The following USP3 variants were observed in gnomAD, a reference collection of about 807,000 sequenced individuals.
USP3 encodes ubiquitin carboxyl-terminal hydrolase 3.
USP3 carries 20 observed loss-of-function variants against 72.3 expected under a neutral mutation model. The observed-to-expected ratio is 0.28, with a 90% CI of 0.19 to 0.40. USP3 has a LOEUF of 0.40. Among genes scored for constraint, USP3 ranks in the 10% least tolerant of loss-of-function variants. The pLI, the probability that USP3 is intolerant of heterozygous loss-of-function variation, is 1.00. For synonymous variants in USP3, 222 were observed against 225.3 expected, an observed-to-expected ratio of 0.99 and a Z score of 0.13; for missense variants, 479 against 633.9, an observed-to-expected ratio of 0.76 and a Z score of 2.62.
chr15:63,560,933 T>C (rs143046264), intron 7 of USP3, among the ~76,000 whole-genome samples: 87 of 152,212 alleles, frequency 5.7e-4, no homozygotes, highest in African/African-American at 2.0e-3. Flanking sequence ...TCTGAAGGGG[T>C]GATCAGACAC....
intron 3 of USP3, among the ~76,000 whole-genome samples, chr15:63,549,976 G>A (rs978423790): frequency 6.6e-6 from 1 of 152,168 alleles, no homozygotes; most frequent in African/African-American, 2.4e-5. Context: ...CCATAAACTG[G>A]TGATGATTTA....
At chr15:63,557,274 T>G (rs188175862) in intron 5 of USP3, among the ~76,000 whole-genome samples, 32 of 151,974 alleles carry the variant, frequency 2.1e-4, no homozygotes, top group East Asian at 7.7e-4. Flanking sequence ...TTTTGTTTTT[T>G]TTTTTTGAGA....
intron 1 of USP3, chr15:63,530,699 C>A: frequency 2.8e-6 from 1 of 361,822 alleles, no homozygotes; most frequent in Non-Finnish European, 5.4e-6. Context: ...AATCATACCT[C>A]AAACCATGAA....
At chr15:63,576,597 C>G (rs778796312) in intron 11 of USP3, among the ~76,000 whole-genome samples, 1 of 152,226 alleles carries the variant, frequency 6.6e-6, no homozygotes, top group Non-Finnish European at 1.5e-5. Context: ...CAAGTGGCAT[C>G]TGCCTTGCAT....
intron 1 of USP3, among the ~76,000 whole-genome samples, chr15:63,513,613 G>C (rs934459621): frequency 1.1e-4 from 17 of 152,250 alleles, no homozygotes; most frequent in African/African-American, 4.1e-4. Context: ...GACTCTGAGT[G>C]ATCTTTCCAC....
chr15:63,539,677 A>G (rs1019903827), intron 3 of USP3, among the ~76,000 whole-genome samples: 7 of 152,192 alleles, frequency 4.6e-5, no homozygotes, highest in African/African-American at 1.4e-4. Context: ...ACTATGATGG[A>G]GTCTTCTTGG....
Position 63,538,702 on chromosome 15 carries a change from C to T in USP3, c.284+1546C>T, listed in dbSNP as rs372945422. Among the ~76,000 whole-genome samples the T allele has an allele frequency of 2.8e-4, 43 of 152,116 alleles. No individual in the cohort carries two copies. In the East Asian group the frequency reaches 7.9e-3, roughly 28 times the overall value. On this transcript the variant is annotated intron_variant, in intron 3 of 14. Transcript: ENST00000380324. The stretch of plus-strand genomic sequence containing the variant: ...CTGGGACTATAGGCACCTGCCACCA[C>T]TCCCGGCTAATTTTTTTGTATTTTT...
intron 11 of USP3, among the ~76,000 whole-genome samples, chr15:63,576,690 G>A (rs952761111): frequency 6.6e-6 from 1 of 152,312 alleles, no homozygotes; most frequent in Admixed American, 6.5e-5. Flanking sequence ...ACCATCCCAA[G>A]TAGTTTAGGG....
chr15:63,580,727 T>G (rs1469415916), intron 11 of USP3, among the ~76,000 whole-genome samples: 1 of 148,490 alleles, frequency 6.7e-6, no homozygotes, highest in Admixed American at 6.7e-5. Flanking sequence ...AATATATATT[T>G]TTTCTTTTAG....
intron 3 of USP3, among the ~76,000 whole-genome samples, chr15:63,538,779 C>T (rs965629439): frequency 6.6e-6 from 1 of 152,044 alleles, no homozygotes; most frequent in Non-Finnish European, 1.5e-5. Context: ...ATCTCTTGAC[C>T]TCATGACCCG....
chr15:63,556,743 G>A lies in USP3; in HGVS notation c.445G>A (p.Val149Ile). Residue 149 changes from valine (V) to isoleucine (I), a missense_variant, in exon 5 of 15, where the codon GTA becomes ATA. Physicochemically the swap from Val to Ile is conservative, Grantham distance 29. Coordinates refer to ENST00000380324, the MANE Select transcript of USP3 (RefSeq NM_006537.4). ...AACACTAAACAGCAAGTTATTAAAA[G>A]TAAATGTAAGTAATTAAAATTTATT... ...NSTLNSKLLK[V>I]NGSTTAICAT... 1.3e-6 allele frequency: 2 copies of A among 1,563,084 alleles called. No individual in the cohort carries two copies. Among genetic ancestry groups the A allele is most frequent in the Non-Finnish European group, 1.7e-6 (2 of 1,147,230 alleles).
At chr15:63,521,061 G>A (rs1221840535) in intron 1 of USP3, among the ~76,000 whole-genome samples, 1 of 149,840 alleles carries the variant, frequency 6.7e-6, no homozygotes, top group African/African-American at 2.5e-5. Context: ...TCTTTCCTGT[G>A]TTTCTTTTTG....
chr15:63,588,690 T>C lies in USP3; in HGVS notation c.1216-12T>C. On this transcript the variant is annotated splice_polypyrimidine_tract_variant and intron_variant, in intron 12 of 14. Transcript: ENST00000380324. The surrounding 1 kb of genome is among the most constrained non-coding windows in gnomAD (Gnocchi z 4.6). The stretch of plus-strand genomic sequence containing the variant: ...GGTGTTCACAATCTTTGACCGCATC[T>C]CTGTCCTCCAGGTGCTATGCTTACA... 6.3e-7 allele frequency: 1 copy of C among 1,593,534 alleles called. No individual in the cohort carries two copies. The highest frequency in any genetic ancestry group is 8.6e-7 in the Non-Finnish European group (1 of 1,162,494).
chr15:63,535,022 C>T (rs1457620411), intron 2 of USP3, among the ~76,000 whole-genome samples: 1 of 152,058 alleles, frequency 6.6e-6, no homozygotes, highest in African/African-American at 2.4e-5. Context: ...ACCTCTGCCT[C>T]CTGGGTTCAA....
At chr15:63,557,892 T>G (rs543089477) in intron 5 of USP3, among the ~76,000 whole-genome samples, 35 of 152,378 alleles carry the variant, frequency 2.3e-4, no homozygotes, top group African/African-American at 8.2e-4. Context: ...ATACTTCTAT[T>G]TAGAACAATC....
At position 63,588,321 on chromosome 15, in the gene USP3, T is replaced by C; in HGVS notation, c.1113T>C (p.Phe371=). The part of the protein sequence containing the change: ...VCSLRDCLRS[F]TDLEELDETE... ...TTTGTTTAGATTGTCTTCGCAGTTTTACCGACTTAGAAGAACTTGATGAGA... is the reference window on the plus strand; with the variant it reads ...TTTGTTTAGATTGTCTTCGCAGTTTCACCGACTTAGAAGAACTTGATGAGA... Residue 371 remains phenylalanine (F), a synonymous_variant, in exon 12 of 15, where the codon TTT becomes TTC. Coordinates refer to ENST00000380324, the MANE Select transcript of USP3 (RefSeq NM_006537.4). This position sits in a 1 kb window ranked among gnomAD's most constrained non-coding sequence, Gnocchi z 4.6. 1.3e-6 allele frequency: 2 copies of C among 1,596,474 alleles called. No homozygotes were observed. Among genetic ancestry groups the C allele is most frequent in the Non-Finnish European group, 1.7e-6 (2 of 1,175,622 alleles).
In USP3 at chr15:63,593,282, T is replaced by G. The variant is rs2067236855; in HGVS notation, c.*2456T>G. 1 of 152,268 alleles carries G rather than the reference T, an allele frequency of 6.6e-6. No individual in the cohort carries two copies. The highest frequency in any genetic ancestry group is 1.5e-5 in the Non-Finnish European group (1 of 68,052). 9.4% of individuals were successfully genotyped at this position (152,268 alleles called of 1,614,324 possible). On this transcript the variant is annotated 3_prime_UTR_variant, in exon 15 of 15. Coordinates refer to ENST00000380324, the MANE Select transcript of USP3 (RefSeq NM_006537.4). ...CCACCTGATCTGATGTATCACACAT[T>G]AACATCACATCTAATTCAACCTGAA...
intron 9 of USP3, among the ~76,000 whole-genome samples, chr15:63,573,537 G>A (rs1018588946): frequency 6.6e-6 from 1 of 152,220 alleles, no homozygotes; most frequent in Non-Finnish European, 1.5e-5. Flanking sequence ...TACTAAATCT[G>A]TATTAAATTC....
chr15:63,546,837 T>G (rs2066336142), intron 3 of USP3, among the ~76,000 whole-genome samples: 1 of 152,196 alleles, frequency 6.6e-6, no homozygotes, highest in African/African-American at 2.4e-5. Context: ...CTCAGTCTCC[T>G]GACCTCGTGA....
Sources: gnomAD v4.1 joint callset for allele counts (sites outside exome capture counted in the v4.1 genomes callset) on GRCh38, gnomAD v4.1.1 for gene constraint, Gnocchi (gnomAD v3.1) non-coding constraint, MANE v1.5 for transcripts, NCBI Gene and HGNC (gene_info 2026-07-23, HGNC 2026-07-21) for gene names.